EIF2B1: variants seen among roughly 807,000 people sequenced by gnomAD.
EIF2B1 encodes the protein translation initiation factor eIF2B subunit alpha.
A neutral mutation model predicts 36.8 loss-of-function variants in EIF2B1; 30 were observed. That is an observed-to-expected ratio of 0.81 (90% CI 0.61 to 1.10). The LOEUF is 1.10. Ranked by LOEUF, EIF2B1 falls within the 50% of genes least tolerant of loss-of-function variation. The pLI, the probability that EIF2B1 is intolerant of heterozygous loss-of-function variation, is 0.00. For synonymous variants in EIF2B1, 139 were observed against 142.2 expected, an observed-to-expected ratio of 0.98 and a Z score of 0.16; for missense variants, 271 against 374.8, an observed-to-expected ratio of 0.72 and a Z score of 2.29.
chr12:123,620,580 T>TATA lies in EIF2B1; in HGVS notation c.*1175_*1176insTAT, dbSNP rs1555284588. ...GGTCACATATAGACATATGTACATA[T>TATA]TATATATATATATATATATATATAT... On this transcript the variant is annotated 3_prime_UTR_variant, in exon 9 of 9. Transcript: ENST00000424014. The TATA allele has an allele frequency of 6.1e-5, 4 of 65,350 alleles. No individual in the cohort carries two copies. In the South Asian group the frequency reaches 1.5e-3, roughly 24 times the overall value. The allele number at this position is 65,350 out of a possible 1,614,324, so 4.0% of individuals were successfully genotyped here.
intron 1 of EIF2B1, among the ~76,000 whole-genome samples, chr12:123,632,773 C>T (rs1226528749): frequency 1.3e-5 from 2 of 151,616 alleles, no homozygotes; most frequent in African/African-American, 4.9e-5. Flanking sequence ...GGTGAAACCC[C>T]GTCTCTACTA....
At position 123,627,173 on chromosome 12, in the gene EIF2B1, C is replaced by G; in HGVS notation, c.370-17G>C. On this transcript the variant is annotated splice_polypyrimidine_tract_variant and intron_variant, in intron 4 of 8. Transcript: ENST00000424014. ...CAATATTGTCTGTGGACCGAGAAAGCTTTGTCAAAGGGGCAGGCTCCTTGC... is the reference window on the plus strand; with the variant it reads ...CAATATTGTCTGTGGACCGAGAAAGGTTTGTCAAAGGGGCAGGCTCCTTGC... 6.2e-7 allele frequency: 1 copy of G among 1,609,438 alleles called. No homozygotes were observed. Among genetic ancestry groups the G allele is most frequent in the Non-Finnish European group, 8.5e-7 (1 of 1,176,420 alleles).
Position 123,621,470 on chromosome 12 carries a change from C to T in EIF2B1, c.*286G>A. 2.4e-6 allele frequency: 1 copy of T among 425,376 alleles called. No homozygotes were observed. Among genetic ancestry groups the T allele is most frequent in the Admixed American group, 3.5e-5 (1 of 28,636 alleles). 26.4% of individuals were successfully genotyped at this position (425,376 alleles called of 1,614,324 possible). ...GACAGGTGGACTTGGGCTCATCTTTCATCAGTTAAGTAGCCAATTATCTAA... is the reference window on the plus strand; with the variant it reads ...GACAGGTGGACTTGGGCTCATCTTTTATCAGTTAAGTAGCCAATTATCTAA... On this transcript the variant is annotated 3_prime_UTR_variant, in exon 9 of 9. Transcript: ENST00000424014.
In EIF2B1 at chr12:123,630,183, T is replaced by A. The variant is rs1435256161; in HGVS notation, c.355A>T (p.Ile119Phe). The A allele has an allele frequency of 6.2e-7, 1 of 1,613,896 alleles. No homozygotes were observed. The highest frequency in any genetic ancestry group is 8.5e-7 in the Non-Finnish European group (1 of 1,179,946). ...NKIADLCHTFIKDGATILTHA... is the reference protein window; with the variant it reads ...NKIADLCHTFFKDGATILTHA... ...TATCCACTCACCGCTCCATCTTTGA[T>A]GAAAGTATGGCACAGATCTGCAATT... Residue 119 changes from isoleucine to phenylalanine, a missense_variant, in exon 4 of 9, where the codon ATC becomes TTC. Physicochemically the swap from Ile to Phe is conservative, Grantham distance 21 (BLOSUM62 0). Coordinates refer to ENST00000424014, the MANE Select transcript of EIF2B1 (RefSeq NM_001414.4). The surrounding 1 kb of genome is among the most constrained non-coding windows in gnomAD (Gnocchi z 4.6).
chr12:123,624,159 T>A lies in EIF2B1; in HGVS notation c.627+628A>T, dbSNP rs549062676. Among the ~76,000 whole-genome samples, 24 of 150,416 alleles carry A rather than the reference T, an allele frequency of 1.6e-4. No homozygotes were observed. The South Asian group carries it at 5.0e-3, about 31-fold the overall frequency. ...TATATATATTATGTGTGTGTATATA[T>A]ATGCATAAATAAAACATACATATAC... On this transcript the variant is annotated intron_variant, in intron 7 of 8. Coordinates refer to ENST00000424014, the MANE Select transcript of EIF2B1 (RefSeq NM_001414.4).
At chr12:123,626,322 G>T in intron 6 of EIF2B1, 103 bp downstream of exon 6, 1 of 1,380,000 alleles carries the variant, frequency 7.2e-7, no homozygotes, top group Non-Finnish European at 1.0e-6. Context: ...GACGCTACCT[G>T]GTGTGGCTTT....
At position 123,630,059 on chromosome 12, in the gene EIF2B1, T is replaced by C. The variant is rs1955176360; in HGVS notation, c.369+110A>G. 8 of 903,192 alleles carry C rather than the reference T, an allele frequency of 8.9e-6. No individual in the cohort carries two copies. The highest frequency in any genetic ancestry group is 1.6e-5 in the African/African-American group (1 of 61,528). The allele number at this position is 903,192 out of a possible 1,614,324, so 55.9% of individuals were successfully genotyped here. On this transcript the variant is annotated intron_variant, in intron 4 of 8. Transcript: ENST00000424014. The surrounding 1 kb of genome is among the most constrained non-coding windows in gnomAD (Gnocchi z 4.6). ...AGAAAGCTGCACAGACAGGTTAAGT[T>C]ACTTGTTCAAGTCTCCACAGCAAGT...
intron 4 of EIF2B1, among the ~76,000 whole-genome samples, chr12:123,629,148 A>C (rs1245061125): frequency 1.3e-5 from 2 of 152,198 alleles, no homozygotes; most frequent in African/African-American, 4.8e-5. Flanking sequence ...AATGGAGGAC[A>C]AGATTTAAGA....
rs754285458 is a variant in EIF2B1, at chr12:123,626,501, TG to T, written c.483-9del. 108 of 1,613,946 alleles carry T rather than the reference TG, an allele frequency of 6.7e-5. No homozygotes were observed. The highest frequency in any genetic ancestry group is 8.5e-5 in the Non-Finnish European group (100 of 1,179,970). On this transcript the variant is annotated splice_polypyrimidine_tract_variant and intron_variant, in intron 5 of 8. Transcript: ENST00000424014. ...GCTTTGGCCATTTTCTTACTGAAGA[TG>T]ACATTTTGAGAACGTTAGAGAAAGT...
chr12:123,628,396 C>T (rs1168627657), intron 4 of EIF2B1, among the ~76,000 whole-genome samples: 1 of 135,110 alleles, frequency 7.4e-6, no homozygotes, highest in Non-Finnish European at 1.6e-5. Context: ...GGATCTCACT[C>T]CAATTGCCCA....
At position 123,624,874 on chromosome 12, in the gene EIF2B1, A is replaced by G. The variant is rs1280687781; in HGVS notation, c.552-12T>C. 6.2e-7 allele frequency: 1 copy of G among 1,613,086 alleles called. No homozygotes were observed. Among genetic ancestry groups the G allele is most frequent in the Non-Finnish European group, 8.5e-7 (1 of 1,179,200 alleles). On this transcript the variant is annotated splice_polypyrimidine_tract_variant and intron_variant, in intron 6 of 8. Transcript: ENST00000424014. The stretch of plus-strand genomic sequence containing the variant: ...TCTCCATGATGTAGCTAAGGGGAAA[A>G]AAAGCTTTTCATGCTTTATTTTCTT...
At chr12:123,622,005 A>G (rs1955104841) in intron 8 of EIF2B1, 85 bp from the exon 9 acceptor site, 2 of 1,535,206 alleles carry the variant, frequency 1.3e-6, no homozygotes, top group Middle Eastern at 2.2e-4. Context: ...TCAGTGTGCT[A>G]CTTCCTGAGA....
At chr12:123,633,298 G>C (rs922365704) in intron 1 of EIF2B1, among the ~76,000 whole-genome samples, 1 of 150,718 alleles carries the variant, frequency 6.6e-6, no homozygotes, top group Non-Finnish European at 1.5e-5. Flanking sequence ...GATCCAACAA[G>C]GCAGGAAGGA....
intron 6 of EIF2B1, 58 bp downstream of exon 6, chr12:123,626,367 G>A (rs373489547): frequency 1.9e-5 from 31 of 1,605,654 alleles, no homozygotes; most frequent in Non-Finnish European, 2.6e-5. Flanking sequence ...CTGAAAACTT[G>A]CTGTAAGCCA....
intron 4 of EIF2B1, among the ~76,000 whole-genome samples, chr12:123,627,629 C>T (rs1468648714): frequency 6.6e-6 from 1 of 152,182 alleles, no homozygotes; most frequent in Non-Finnish European, 1.5e-5. Context: ...AGAGGACTGC[C>T]TGAGCCCAGG....
chr12:123,629,123 G>A (rs1955169774), intron 4 of EIF2B1, among the ~76,000 whole-genome samples: 2 of 152,098 alleles, frequency 1.3e-5, no homozygotes, highest in Admixed American at 1.3e-4. Context: ...TCAAAGGTTG[G>A]GAAGGGGCTA....
chr12:123,630,996 T>C lies in EIF2B1; in HGVS notation c.116-463A>G, dbSNP rs1459543265. On this transcript the variant is annotated intron_variant, in intron 2 of 8. Coordinates refer to ENST00000424014, the MANE Select transcript of EIF2B1 (RefSeq NM_001414.4). The surrounding 1 kb of genome is among the most constrained non-coding windows in gnomAD (Gnocchi z 4.6). Reference sequence around the variant, plus strand: ...AAAGGCTGCATTATTATTTTGCTTATACAAGATTTCATGCTATACCCAGAT... The same window carrying C: ...AAAGGCTGCATTATTATTTTGCTTACACAAGATTTCATGCTATACCCAGAT... Among the ~76,000 whole-genome samples, 1 of 152,212 alleles carries C rather than the reference T, an allele frequency of 6.6e-6. No homozygotes were observed.
rs11289720 is a variant in EIF2B1 at position 123,624,256 on chromosome 12, C to CTTTT, written c.627+527_627+530dup. On this transcript the variant is annotated intron_variant, in intron 7 of 8. Transcript: ENST00000424014. ...CAATTTTGTATAAATATAAATTACA[C>CTTTT]TTTTTTTTTTTTTTTTTTTACTGAG... 4.7e-3 allele frequency among the ~76,000 whole-genome samples: 604 copies of CTTTT among 129,078 alleles called. 8 individuals are homozygous for CTTTT. The highest frequency in any genetic ancestry group is 0.016 in the African/African-American group (555 of 34,040). 84.7% of individuals were successfully genotyped at this position (129,078 alleles called of 152,430 possible). A position where few individuals can be genotyped will look rare whatever the true frequency, so the allele number is the denominator to read the frequency against.
chr12:123,621,639 C>A lies in EIF2B1; in HGVS notation c.*117G>T. The A allele has an allele frequency of 7.6e-7, 1 of 1,311,996 alleles. No individual in the cohort carries two copies. Among genetic ancestry groups the A allele is most frequent in the South Asian group, 1.2e-5 (1 of 82,572 alleles). The allele number at this position is 1,311,996 out of a possible 1,614,324, so 81.3% of individuals were successfully genotyped here. A position where few individuals can be genotyped will look rare whatever the true frequency, so the allele number is the denominator to read the frequency against. ...CAAGATGTATGATTTTAAGTCCTTA[C>A]TCCATAAATCTTCATTAAACACATC... On this transcript the variant is annotated 3_prime_UTR_variant, in exon 9 of 9. Transcript: ENST00000424014.
Sources: allele counts gnomAD v4.1 joint callset (sites outside exome capture counted in the v4.1 genomes callset), GRCh38; gene constraint gnomAD v4.1.1; non-coding constraint Gnocchi (gnomAD v3.1); transcripts MANE v1.5; gene names NCBI Gene and HGNC (gene_info 2026-07-23, HGNC 2026-07-21).